The following CMIP variants were observed in gnomAD, a reference collection of about 807,000 sequenced individuals.
CMIP encodes the protein c-Maf inducing protein.
A neutral mutation model predicts 97.3 loss-of-function variants in CMIP; 13 were observed. The ratio of observed to expected loss-of-function variants is 0.13; its 90% CI spans 0.09 to 0.21. CMIP has a LOEUF of 0.21. CMIP is among the 10% of genes least tolerant of loss of function. CMIP has a pLI of 1.00. For missense variants in CMIP, 847 were observed against 1,024.9 expected, an observed-to-expected ratio of 0.83 and a Z score of 2.37; for synonymous variants, 538 against 436.3, an observed-to-expected ratio of 1.23 and a Z score of -2.91.
intron 14 of CMIP, chr16:81,698,100 C>G (rs1042308286): frequency 1.3e-5 from 2 of 149,610 alleles, no homozygotes; most frequent in Non-Finnish European, 3.0e-5. Flanking sequence ...CAGAGCTGTT[C>G]ATGATGGAGC....
chr16:81,648,859 G>C (rs1478105772), intron 3 of CMIP, among the ~76,000 whole-genome samples: 1 of 137,514 alleles, frequency 7.3e-6, no homozygotes, highest in Non-Finnish European at 1.5e-5. Context: ...CAAATGGCCA[G>C]CTCCCTCACT....
At chr16:81,447,367 C>T (rs572585034) in intron 1 of CMIP, among the ~76,000 whole-genome samples, 1 of 152,016 alleles carries the variant, frequency 6.6e-6, no homozygotes, top group African/African-American at 2.4e-5. Context: ...CTGGGAGAAG[C>T]CAGGAGTGAG....
chr16:81,623,000 C>T lies in CMIP; in HGVS notation c.477+2074C>T, dbSNP rs182213312. Among the ~76,000 whole-genome samples, 336 of 152,322 alleles carry T rather than the reference C, an allele frequency of 2.2e-3. 5 individuals are homozygous for T. Among genetic ancestry groups the T allele is most frequent in the African/African-American group, 7.8e-3 (324 of 41,564 alleles). ...AGGCGGGTAGTCTAACTCAGGAGTT[C>T]AAGACCAGCCTGGGCAGCATGGCAA... On this transcript the variant is annotated intron_variant, in intron 3 of 20. Coordinates refer to ENST00000537098, the MANE Select transcript of CMIP (RefSeq NM_198390.3).
chr16:81,583,073 C>A (rs2091322882), intron 1 of CMIP, among the ~76,000 whole-genome samples: 1 of 152,348 alleles, frequency 6.6e-6, no homozygotes, highest in Non-Finnish European at 1.5e-5. Context: ...ATTTAAATTT[C>A]TCTAAAGGGC....
chr16:81,552,399 A>G (rs2090676878), intron 1 of CMIP, among the ~76,000 whole-genome samples: 1 of 152,212 alleles, frequency 6.6e-6, no homozygotes, highest in African/African-American at 2.4e-5. Context: ...CCTGGAGGTC[A>G]GAAATCCAAA....
intron 1 of CMIP, chr16:81,495,589 G>A: frequency 7.4e-7 from 1 of 1,344,172 alleles, no homozygotes; most frequent in Non-Finnish European, 1.0e-6. Context: ...GAAATTCACA[G>A]ACCCACTTCT....
chr16:81,525,172 C>T (rs1245983825), intron 1 of CMIP, among the ~76,000 whole-genome samples: 2 of 151,468 alleles, frequency 1.3e-5, no homozygotes, highest in Non-Finnish European at 2.9e-5. Flanking sequence ...GAGATGGAGT[C>T]TTGCTCAGCC....
At chr16:81,691,975 C>A (rs1906132545) in intron 11 of CMIP, 135 bp downstream of exon 11, 1 of 747,778 alleles carries the variant, frequency 1.3e-6, no homozygotes, top group Non-Finnish European at 2.3e-6. Context: ...GACGTCGGTA[C>A]CAGCTCAGCC....
Position 81,691,933 on chromosome 16 carries a change from G to T in CMIP, c.1454+93G>T. The T allele has an allele frequency of 2.7e-6, 3 of 1,110,868 alleles. No homozygotes were observed. In the South Asian group the frequency reaches 3.9e-5, roughly 14 times the overall value. 68.8% of individuals were successfully genotyped at this position (1,110,868 alleles called of 1,614,324 possible). A position where few individuals can be genotyped will look rare whatever the true frequency, so the allele number is the denominator to read the frequency against. On this transcript the variant is annotated intron_variant, in intron 11 of 20. Transcript: ENST00000537098. ...TTAGTGGGGGGCCAGTCATGTTATG[G>T]GGAAGCGAAGTCACAGCGGGAAGAC...
chr16:81,707,155 C>T, intron 20 of CMIP, 71 bp downstream of exon 20: 1 of 1,262,340 alleles, frequency 7.9e-7, no homozygotes. Context: ...TGGTGCATCT[C>T]CTGCACAGAG....
At chr16:81,536,641 G>A (rs2150831781) in intron 1 of CMIP, among the ~76,000 whole-genome samples, 2 of 152,280 alleles carry the variant, frequency 1.3e-5, no homozygotes, top group Non-Finnish European at 1.5e-5. Flanking sequence ...GACCTTTGAT[G>A]AAGTGGGTAG....
rs959941897 is a variant in CMIP, at chr16:81,678,592, G to A, written c.1352G>A (p.Arg451His). The A allele has an allele frequency of 1.3e-5, 21 of 1,597,220 alleles. No individual in the cohort carries two copies. The highest frequency in any genetic ancestry group is 1.5e-5 in the Non-Finnish European group (18 of 1,170,260). Residue 451 changes from arginine to histidine, a missense_variant, in exon 10 of 21, where the codon CGC (arginine) becomes CAC (histidine). By Grantham distance (29) the Arg-to-His change is conservative (BLOSUM62 0). Around this residue, in one of 4 missense-constraint regions of CMIP, gnomAD observed 202 missense variants for 168.7 expected, o/e 1.20. Coordinates refer to ENST00000537098, the MANE Select transcript of CMIP (RefSeq NM_198390.3). ...ATCGAGCTGGGCCCCCAGGCCGACC[G>A]CACGCTCGGCTGCTACGTGGAAATC... The part of the protein sequence containing the change: ...MSIELGPQAD[R>H]TLGCYVEILK...
chr16:81,691,063 C>A (rs1906004226), intron 10 of CMIP, among the ~76,000 whole-genome samples: 1 of 152,216 alleles, frequency 6.6e-6, no homozygotes, highest in Non-Finnish European at 1.5e-5. Context: ...CAGTTCTGAT[C>A]ACAGAAAGGT....
rs761337779 is a variant in CMIP, at chr16:81,693,235, T to A, written c.1481+51T>A. On this transcript the variant is annotated intron_variant, in intron 12 of 20. Coordinates refer to ENST00000537098, the MANE Select transcript of CMIP (RefSeq NM_198390.3). ...TCCATTCTGGCACGCACGGCCTCTG[T>A]CCTGAGGTCTTCCCTCCGTGGCCCA... The A allele has an allele frequency of 2.4e-5, 38 of 1,561,784 alleles. No homozygotes were observed. The East Asian group carries it at 8.6e-4, about 35-fold the overall frequency.
intron 1 of CMIP, among the ~76,000 whole-genome samples, chr16:81,532,184 G>C (rs1050660438): frequency 6.6e-6 from 1 of 152,204 alleles, no homozygotes. Flanking sequence ...TGCAGTCCCA[G>C]GGCTCAGGAG....
At chr16:81,558,983 C>T (rs1367090889) in intron 1 of CMIP, among the ~76,000 whole-genome samples, 2 of 152,212 alleles carry the variant, frequency 1.3e-5, no homozygotes, top group African/African-American at 2.4e-5. Flanking sequence ...AAACACCCAG[C>T]CCTCTCCTTG....
At chr16:81,708,393 T>G (rs1375320431) in intron 20 of CMIP, among the ~76,000 whole-genome samples, 2 of 152,226 alleles carry the variant, frequency 1.3e-5, no homozygotes, top group East Asian at 3.8e-4. Context: ...GTTTGAGAAA[T>G]GCTGCCTGGA....
At chr16:81,479,238 C>T (rs888631617) in intron 1 of CMIP, among the ~76,000 whole-genome samples, 1 of 152,134 alleles carries the variant, frequency 6.6e-6, no homozygotes, top group African/African-American at 2.4e-5. Context: ...CCTGGAAAAA[C>T]TGGGAAGATG....
At chr16:81,571,894 C>T (rs1251544728) in intron 1 of CMIP, among the ~76,000 whole-genome samples, 1 of 152,222 alleles carries the variant, frequency 6.6e-6, no homozygotes, top group African/African-American at 2.4e-5. Context: ...TTACCTCTTA[C>T]CTGGTTCATC....
Sources: allele counts gnomAD v4.1 joint callset (sites outside exome capture counted in the v4.1 genomes callset), GRCh38; gene constraint gnomAD v4.1.1; regional missense constraint gnomAD v4.1.1; transcripts MANE v1.5; gene names NCBI Gene and HGNC (gene_info 2026-07-23, HGNC 2026-07-21).